The following NIN variants were observed in gnomAD, a reference collection of about 807,000 sequenced individuals.
NIN encodes the protein glycogen synthase kinase 3 beta-interacting protein.
NIN carries 137 observed loss-of-function variants against 257.6 expected under a neutral mutation model. That is an observed-to-expected ratio of 0.53 (90% confidence interval 0.46 to 0.61). The LOEUF is 0.61. Among genes scored for constraint, NIN ranks in the 20% least tolerant of loss-of-function variants. NIN has a pLI of 0.00. For synonymous variants in NIN, 918 were observed against 919.8 expected, an observed-to-expected ratio of 1.00 and a Z score of 0.04; for missense variants, 2,439 against 2,501.2, an observed-to-expected ratio of 0.98 and a Z score of 0.53.
chr14:50,766,290 T>G lies in NIN; in HGVS notation c.1635+17A>C. The G allele has an allele frequency of 4.4e-6, 7 of 1,604,202 alleles. No individual in the cohort carries two copies. The highest frequency in any genetic ancestry group is 6.0e-6 in the Non-Finnish European group (7 of 1,171,046). ...CCAGGCACTCCTGCACTTACTCAGT[T>G]CTCTTTGTCTACCTACCCTGCACTG... On this transcript the variant is annotated intron_variant, in intron 14 of 30. Coordinates refer to ENST00000530997, the MANE Select transcript of NIN (RefSeq NM_020921.4).
intron 29 of NIN, chr14:50,727,308 A>G (rs906046932): frequency 1.0e-6 from 1 of 984,128 alleles, no homozygotes; most frequent in Non-Finnish European, 1.2e-6. Context: ...ACAAAACAGT[A>G]TAAATACCCC....
At chr14:50,727,917 C>T (rs974376471) in intron 29 of NIN, among the ~76,000 whole-genome samples, 1 of 152,182 alleles carries the variant, frequency 6.6e-6, no homozygotes, top group Non-Finnish European at 1.5e-5. Flanking sequence ...CACATCACTC[C>T]ACACACAGAA....
intron 4 of NIN, among the ~76,000 whole-genome samples, chr14:50,794,773 A>AC: frequency 6.6e-6 from 1 of 152,068 alleles, no homozygotes; most frequent in East Asian, 1.9e-4. Flanking sequence ...AAAAAAAAAA[A>AC]AAAAAAAGCA....
At chr14:50,741,929 A>G (rs2041304023) in intron 24 of NIN, 1 of 511,506 alleles carries the variant, frequency 2.0e-6, no homozygotes, top group Non-Finnish European at 3.4e-6. Context: ...TAGGACAATG[A>G]TGAACTATGT....
intron 13 of NIN, among the ~76,000 whole-genome samples, 182 bp downstream of exon 13, chr14:50,766,598 T>G (rs2042498867): frequency 1.3e-5 from 2 of 152,148 alleles, no homozygotes; most frequent in South Asian, 4.2e-4. Flanking sequence ...CATTTCTCAG[T>G]GCCAGGCAAT....
At chr14:50,764,754 AGAATATGCAAATCTG>A (rs2042407019) in intron 14 of NIN, among the ~76,000 whole-genome samples, 1 of 152,152 alleles carries the variant, frequency 6.6e-6, no homozygotes, top group Non-Finnish European at 1.5e-5. Flanking sequence ...TGAAATGTAT[AGAATATGCAAATCTG>A]TAGAGACACA....
Position 50,811,260 on chromosome 14 carries a change from C to G in NIN, c.184-4442G>C, listed in dbSNP as rs551444721. On this transcript the variant is annotated intron_variant, in intron 3 of 30. Coordinates refer to ENST00000530997, the MANE Select transcript of NIN (RefSeq NM_020921.4). ...AGTAGCTGGGATTACAGGCGCCCACCACCACGCCCAGCTAATTTTTGTGTT... is the reference window on the plus strand; with the variant it reads ...AGTAGCTGGGATTACAGGCGCCCACGACCACGCCCAGCTAATTTTTGTGTT... 3.9e-5 allele frequency among the ~76,000 whole-genome samples: 6 copies of G among 152,024 alleles called. No individual in the cohort carries two copies. The East Asian group carries it at 7.8e-4, about 20-fold the overall frequency.
chr14:50,725,148 A>T (rs1015266731), intron 30 of NIN, among the ~76,000 whole-genome samples: 1 of 152,096 alleles, frequency 6.6e-6, no homozygotes, highest in Non-Finnish European at 1.5e-5. Flanking sequence ...GACAACCAAA[A>T]GTTGCTGTCT....
intron 2 of NIN, among the ~76,000 whole-genome samples, chr14:50,825,668 A>T (rs1374241425): frequency 2.0e-5 from 3 of 152,204 alleles, no homozygotes; most frequent in African/African-American, 7.2e-5. Flanking sequence ...ACTGAATTAT[A>T]TTATCCCTCA....
chr14:50,724,287 G>A (rs770072455), intron 30 of NIN: 2 of 208,834 alleles, frequency 9.6e-6, no homozygotes, highest in Non-Finnish European at 1.9e-5. Context: ...TGTTGTTCTG[G>A]TTAATATTTT....
intron 1 of NIN, chr14:50,830,730 G>GCCCCCCGCCGGCCCGC (rs201889202): frequency 6.6e-6 from 1 of 151,448 alleles, no homozygotes; most frequent in South Asian, 2.1e-4. Flanking sequence ...CCGCCGGCCC[G>GCCCCCCGCCGGCCCGC]CCCCCGCCCG....
chr14:50,764,049 C>T (rs1261329784), intron 14 of NIN, 85 bp from the exon 15 acceptor site: 1 of 1,216,898 alleles, frequency 8.2e-7, no homozygotes, highest in Admixed American at 1.9e-5. Flanking sequence ...AATTGGATAT[C>T]ATCAAAACAA....
intron 2 of NIN, among the ~76,000 whole-genome samples, chr14:50,823,812 G>A (rs2045341945): frequency 6.6e-6 from 1 of 152,188 alleles, no homozygotes; most frequent in South Asian, 2.1e-4. Flanking sequence ...GGTCTGTTGG[G>A]TTAACTAATC....
chr14:50,743,413 T>C lies in NIN; in HGVS notation c.5301+3A>G. On this transcript the variant is annotated splice_donor_region_variant and intron_variant, in intron 24 of 30. Coordinates refer to ENST00000530997, the MANE Select transcript of NIN (RefSeq NM_020921.4). ...GAAGATGAAACAAGAATTGTCCATGTACCTTTTCCTGAGAAGCCACCAGCT... is the reference window on the plus strand; with the variant it reads ...GAAGATGAAACAAGAATTGTCCATGCACCTTTTCCTGAGAAGCCACCAGCT... The C allele has an allele frequency of 6.4e-7, 1 of 1,572,892 alleles. No homozygotes were observed. Among genetic ancestry groups the C allele is most frequent in the Non-Finnish European group, 8.8e-7 (1 of 1,142,384 alleles).
At chr14:50,765,375 T>A (rs1412440131) in intron 14 of NIN, among the ~76,000 whole-genome samples, 1 of 152,210 alleles carries the variant, frequency 6.6e-6, no homozygotes, top group Non-Finnish European at 1.5e-5. Flanking sequence ...GAGCTAAAAT[T>A]TAATTATAAA....
chr14:50,785,810 A>G (rs1301469431), intron 5 of NIN, among the ~76,000 whole-genome samples: 1 of 152,192 alleles, frequency 6.6e-6, no homozygotes, highest in Non-Finnish European at 1.5e-5. Context: ...TTCTGCAGGG[A>G]CACACTTCCT....
chr14:50,802,377 C>T (rs572509954), intron 4 of NIN, among the ~76,000 whole-genome samples: 28 of 152,060 alleles, frequency 1.8e-4, no homozygotes, highest in Admixed American at 1.4e-3. Flanking sequence ...TAATCTAGTC[C>T]ATATCTCCTG....
At chr14:50,771,190 T>A in intron 10 of NIN, 142 bp downstream of exon 10, 1 of 1,183,026 alleles carries the variant, frequency 8.5e-7, no homozygotes, top group African/African-American at 1.5e-5. Flanking sequence ...TCCTATACTT[T>A]AAGGAAGATG....
chr14:50,803,178 C>T (rs751691875), intron 4 of NIN, among the ~76,000 whole-genome samples: 20 of 152,070 alleles, frequency 1.3e-4, no homozygotes, highest in Non-Finnish European at 2.5e-4. Context: ...ATGGTGAAAC[C>T]CCATCTCTGC....
Sources: allele counts gnomAD v4.1 joint callset (sites outside exome capture counted in the v4.1 genomes callset), GRCh38; gene constraint gnomAD v4.1.1; transcripts MANE v1.5; gene names NCBI Gene and HGNC (gene_info 2026-07-23, HGNC 2026-07-21).